BRD10: variants seen among roughly 807,000 people sequenced by gnomAD.
BRD10 encodes the protein bromodomain containing 10.
chr9:5,895,690 G>A, the BRD10 span, among the ~76,000 whole-genome samples: 1 of 152,338 alleles, frequency 6.6e-6, no homozygotes, highest in East Asian at 1.9e-4. Flanking sequence ...CTAAGAGGCT[G>A]ATTGGGTAGG....
the BRD10 span, among the ~76,000 whole-genome samples, chr9:5,973,344 G>A: frequency 2.0e-5 from 3 of 152,124 alleles, no homozygotes; most frequent in East Asian, 5.8e-4. Flanking sequence ...GTACACGCCT[G>A]CAATCTCAGC....
At chr9:5,893,553 A>G in the BRD10 span, among the ~76,000 whole-genome samples, 1 of 152,184 alleles carries the variant, frequency 6.6e-6, no homozygotes, top group East Asian at 1.9e-4. Flanking sequence ...ATTGGAGATG[A>G]GGGCGGCGGT....
At chr9:6,004,912 C>T in the BRD10 span, among the ~76,000 whole-genome samples, 2 of 152,248 alleles carry the variant, frequency 1.3e-5, no homozygotes, top group South Asian at 4.1e-4. Context: ...GTCTCGCAAA[C>T]CTGATGTGTT....
At chr9:5,964,598 C>T in the BRD10 span, among the ~76,000 whole-genome samples, 1 of 138,490 alleles carries the variant, frequency 7.2e-6, no homozygotes, top group African/African-American at 2.7e-5. Context: ...TATAAAGACA[C>T]ATGCACACGT....
At chr9:5,966,671 G>A in the BRD10 span, among the ~76,000 whole-genome samples, 1 of 151,714 alleles carries the variant, frequency 6.6e-6, no homozygotes, top group Non-Finnish European at 1.5e-5. Flanking sequence ...TATTGGCCAG[G>A]CTGGTCTCCA....
At chr9:5,992,930 T>C in the BRD10 span, among the ~76,000 whole-genome samples, 3 of 152,194 alleles carry the variant, frequency 2.0e-5, no homozygotes, top group Non-Finnish European at 4.4e-5. Context: ...TTATGTGATT[T>C]TTCTTTTGCT....
the BRD10 span, among the ~76,000 whole-genome samples, chr9:5,943,159 G>C: frequency 6.6e-6 from 1 of 152,126 alleles, no homozygotes; most frequent in African/African-American, 2.4e-5. Flanking sequence ...TTATAGGCCT[G>C]AGCCACTACG....
the BRD10 span, among the ~76,000 whole-genome samples, chr9:5,940,331 T>C: frequency 2.0e-5 from 3 of 152,088 alleles, no homozygotes; most frequent in African/African-American, 4.8e-5. Flanking sequence ...GTAGCTGGGA[T>C]TACAGGCACG....
At chr9:5,966,650 G>A in the BRD10 span, among the ~76,000 whole-genome samples, 1 of 151,612 alleles carries the variant, frequency 6.6e-6, no homozygotes, top group African/African-American at 2.4e-5. Context: ...ATTAGAGACA[G>A]GGTTTCACCA....
chr9:5,923,273 G>T, the BRD10 span: 31 of 1,610,518 alleles, frequency 1.9e-5, no homozygotes, highest in Non-Finnish European at 2.6e-5. Flanking sequence ...CTTGCTTCTA[G>T]CCATAGGAAA....
At chr9:5,922,458 T>C in the BRD10 span, 4 of 1,614,064 alleles carry the variant, frequency 2.5e-6, no homozygotes, top group African/African-American at 2.7e-5. Context: ...CTAGCACTAC[T>C]TATATTTGAT....
the BRD10 span, among the ~76,000 whole-genome samples, chr9:5,972,901 A>C: frequency 5.1e-4 from 77 of 152,354 alleles, no homozygotes; most frequent in Middle Eastern, 0.01. Flanking sequence ...GTGCCAACAG[A>C]AATTTCCATT....
chr9:5,884,610 A>G, the BRD10 span, among the ~76,000 whole-genome samples: 4 of 152,144 alleles, frequency 2.6e-5, no homozygotes, highest in African/African-American at 4.8e-5. Flanking sequence ...CCTTCCAGAC[A>G]CAAACACAGC....
the BRD10 span, chr9:5,968,456 G>A: frequency 4.8e-5 from 77 of 1,611,848 alleles, no homozygotes; most frequent in East Asian, 1.6e-3. Flanking sequence ...TGGACTCCTT[G>A]GTTTCTCTAA....
the BRD10 span, among the ~76,000 whole-genome samples, chr9:5,886,402 T>C: frequency 6.6e-6 from 1 of 152,252 alleles, no homozygotes; most frequent in Non-Finnish European, 1.5e-5. Context: ...CTATTGTTGC[T>C]AGGCGTATTC....
At chr9:5,931,042 T>C in the BRD10 span, among the ~76,000 whole-genome samples, 2 of 152,216 alleles carry the variant, frequency 1.3e-5, no homozygotes, top group African/African-American at 4.8e-5. Context: ...AGAGGAAAGA[T>C]ATGATAGTAG....
the BRD10 span, chr9:5,968,784 T>C: frequency 6.2e-7 from 1 of 1,613,926 alleles, no homozygotes; most frequent in Non-Finnish European, 8.5e-7. Flanking sequence ...TGTTTATAAA[T>C]CCGTACATCT....
chr9:5,892,413 G>C, the BRD10 span: 1 of 1,488,302 alleles, frequency 6.7e-7, no homozygotes, highest in South Asian at 1.2e-5. Flanking sequence ...GGGTGGCTTT[G>C]GATGCATTAA....
chr9:5,926,511 T>G, the BRD10 span, among the ~76,000 whole-genome samples: 1 of 152,066 alleles, frequency 6.6e-6, no homozygotes, highest in Non-Finnish European at 1.5e-5. Context: ...TTGCACCATA[T>G]TGCCCAGGCT....
Sources: gnomAD v4.1 joint callset for allele counts (sites outside exome capture counted in the v4.1 genomes callset) on GRCh38, gnomAD v4.1.1 for gene constraint, MANE v1.5 for transcripts, NCBI Gene and HGNC (gene_info 2026-07-23, HGNC 2026-07-21) for gene names.